The following C1orf21 variants were observed in gnomAD, a reference collection of about 807,000 sequenced individuals.
The protein encoded by C1orf21 is chromosome 1 open reading frame 21.
C1orf21 carries 3 observed loss-of-function variants against 18.7 expected under a neutral mutation model. The ratio of observed to expected loss-of-function variants is 0.16; its 90% confidence interval spans 0.07 to 0.42. The LOEUF (loss-of-function observed/expected upper bound fraction) is 0.42. Ranked by LOEUF, C1orf21 falls within the 10% of genes least tolerant of loss-of-function variation. The probability of loss-of-function intolerance (pLI) is 0.99; values close to 1 mark genes in which losing one functional copy is unlikely to be tolerated. For synonymous variants in C1orf21, 41 were observed against 46.4 expected (o/e 0.88, Z 0.47); for missense variants, 104 against 143.6 (o/e 0.72, Z 1.41).
intron 1 of C1orf21, among the ~76,000 whole-genome samples, chr1:184,423,835 C>T (rs973690134): frequency 2.0e-5 from 3 of 151,262 alleles, no homozygotes; most frequent in Non-Finnish European, 4.4e-5. Flanking sequence ...CCCATCCATC[C>T]CTCCACTCAT....
intron 5 of C1orf21, among the ~76,000 whole-genome samples, chr1:184,599,129 G>C (rs1241427789): frequency 6.6e-6 from 1 of 152,088 alleles, no homozygotes; most frequent in Admixed American, 6.5e-5. Context: ...CATACTTACA[G>C]AATTTAAATT....
intron 3 of C1orf21, among the ~76,000 whole-genome samples, chr1:184,511,949 A>C (rs1260052528): frequency 6.6e-6 from 1 of 152,168 alleles, no homozygotes; most frequent in Non-Finnish European, 1.5e-5. Context: ...TTCCCCTTAC[A>C]AGTGAAGATT....
intron 1 of C1orf21, among the ~76,000 whole-genome samples, chr1:184,395,106 G>T (rs1452258781): frequency 1.3e-5 from 2 of 152,120 alleles, no homozygotes; most frequent in Non-Finnish European, 2.9e-5. Flanking sequence ...TGCTATAAGA[G>T]TGGTTTCTCC....
intron 5 of C1orf21, among the ~76,000 whole-genome samples, chr1:184,606,601 C>T (rs1659650404): frequency 6.6e-6 from 1 of 151,460 alleles, no homozygotes; most frequent in South Asian, 2.1e-4. Context: ...AAAAGTATTA[C>T]TATCAGCCTA....
intron 3 of C1orf21, among the ~76,000 whole-genome samples, chr1:184,517,215 T>TTATAGTATAGTTTGTTAATG (rs1162334700): frequency 1.3e-5 from 2 of 152,228 alleles, no homozygotes; most frequent in East Asian, 3.8e-4. Flanking sequence ...AAAATGTTTG[T>TTATAGTATAGTTTGTTAATG]TATAGTAATA....
intron 1 of C1orf21, among the ~76,000 whole-genome samples, chr1:184,455,150 C>CCA (rs1657179270): frequency 6.6e-6 from 1 of 152,084 alleles, no homozygotes; most frequent in Admixed American, 6.6e-5. Context: ...ATACTCAGGC[C>CCA]CATGTGTGGA....
chr1:184,590,470 T>C (rs549021988), intron 3 of C1orf21, among the ~76,000 whole-genome samples: 1 of 152,362 alleles, frequency 6.6e-6, no homozygotes, highest in African/African-American at 2.4e-5. Context: ...ACTATTAGTG[T>C]TAAAGAATTA....
intron 3 of C1orf21, among the ~76,000 whole-genome samples, chr1:184,539,611 A>G (rs947808672): frequency 1.3e-5 from 2 of 152,232 alleles, no homozygotes; most frequent in Admixed American, 6.5e-5. Context: ...TGAAGCAATC[A>G]GGCCCAGGAC....
intron 3 of C1orf21, among the ~76,000 whole-genome samples, chr1:184,551,207 G>A (rs554294982): frequency 3.4e-4 from 52 of 152,178 alleles, no homozygotes; most frequent in Admixed American, 8.5e-4. Context: ...AACTCCAGGC[G>A]AATTATTTAG....
chr1:184,599,372 T>C (rs1659557413), intron 5 of C1orf21: 1 of 152,222 alleles, frequency 6.6e-6, no homozygotes, highest in South Asian at 2.1e-4. Context: ...CTATGATGTA[T>C]ATCACTCAAC....
intron 1 of C1orf21, among the ~76,000 whole-genome samples, chr1:184,424,378 C>T (rs1352168014): frequency 1.3e-5 from 2 of 152,160 alleles, no homozygotes; most frequent in African/African-American, 4.8e-5. Context: ...TGCCTAAGAT[C>T]GCAGAGCTAG....
At chr1:184,564,311 C>T (rs1412911125) in intron 3 of C1orf21, among the ~76,000 whole-genome samples, 1 of 152,006 alleles carries the variant, frequency 6.6e-6, no homozygotes, top group African/African-American at 2.4e-5. Flanking sequence ...TCCTTATTTA[C>T]TTATTTATTT....
chr1:184,575,279 A>T (rs1471063870), intron 3 of C1orf21, among the ~76,000 whole-genome samples: 1 of 152,194 alleles, frequency 6.6e-6, no homozygotes, highest in Admixed American at 6.5e-5. Context: ...GCCAGATTTG[A>T]TTATTGACTG....
chr1:184,431,645 T>C (rs1318193960), intron 1 of C1orf21, among the ~76,000 whole-genome samples: 1 of 152,116 alleles, frequency 6.6e-6, no homozygotes, highest in African/African-American at 2.4e-5. Context: ...AAAGAGCTTC[T>C]GCACAGAAAA....
At chr1:184,532,042 GT>G (rs1249554668) in intron 3 of C1orf21, among the ~76,000 whole-genome samples, 37 of 146,772 alleles carry the variant, frequency 2.5e-4, no homozygotes, top group Admixed American at 4.1e-4. Context: ...TTTCATGTAG[GT>G]TTTTTTTTTT....
chr1:184,628,457 G>A lies in C1orf21; in HGVS notation c.*8901G>A, dbSNP rs1453708995. 1 of 152,120 alleles carries A rather than the reference G, an allele frequency of 6.6e-6. No individual in the cohort carries two copies. Among genetic ancestry groups the A allele is most frequent in the East Asian group, 1.9e-4 (1 of 5,194 alleles). The allele number at this position is 152,120 out of a possible 1,614,324, so 9.4% of individuals were successfully genotyped here. On this transcript the variant is annotated 3_prime_UTR_variant, in exon 6 of 6. Transcript: ENST00000235307. ...TCCTGGTATGTGCACACCCCACTTT[G>A]AACACCCTTGCTTTAGTGCAAATCA...
intron 3 of C1orf21, among the ~76,000 whole-genome samples, chr1:184,541,006 G>A (rs147904420): frequency 6.6e-6 from 1 of 152,228 alleles, no homozygotes; most frequent in African/African-American, 2.4e-5. Context: ...GGATCTAAGT[G>A]GTCCATATGA....
At chr1:184,573,274 C>T (rs1296589981) in intron 3 of C1orf21, among the ~76,000 whole-genome samples, 2 of 152,078 alleles carry the variant, frequency 1.3e-5, no homozygotes, top group East Asian at 1.9e-4. Flanking sequence ...TCTAGTATAT[C>T]GACTTTGGAA....
At chr1:184,555,164 C>T (rs1658860828) in intron 3 of C1orf21, among the ~76,000 whole-genome samples, 1 of 152,214 alleles carries the variant, frequency 6.6e-6, no homozygotes, top group South Asian at 2.1e-4. Flanking sequence ...TAGCCTATAA[C>T]TAGCCCTCAT....
Sources: gnomAD v4.1 joint callset for allele counts (sites outside exome capture counted in the v4.1 genomes callset) on GRCh38, gnomAD v4.1.1 for gene constraint, MANE v1.5 for transcripts, NCBI Gene and HGNC (gene_info 2026-07-23, HGNC 2026-07-21) for gene names.